The following FCHSD2 variants were observed in gnomAD, a reference collection of about 807,000 sequenced individuals.
The protein encoded by FCHSD2 is FCH and double SH3 domains 2.
In FCHSD2, 38 loss-of-function variants were observed where a neutral mutation model predicts 108.1. The observed-to-expected ratio is 0.35, with a 90% CI of 0.27 to 0.46. The LOEUF (loss-of-function observed/expected upper bound fraction) is 0.46. Ranked by LOEUF, FCHSD2 falls within the 20% of genes least tolerant of loss-of-function variation. FCHSD2 has a pLI of 1.00. For synonymous variants in FCHSD2, 279 were observed against 314.7 expected, an observed-to-expected ratio of 0.89 and a Z score of 1.20; for missense variants, 751 against 897.8, an observed-to-expected ratio of 0.84 and a Z score of 2.09.
rs1200381457 is a variant in FCHSD2, at chr11:72,843,539, T to C, written c.1444-7A>G. On this transcript the variant is annotated splice_region_variant and splice_polypyrimidine_tract_variant and intron_variant, in intron 14 of 19. Coordinates refer to ENST00000409418, the MANE Select transcript of FCHSD2 (RefSeq NM_014824.3). Reference sequence around the variant, plus strand: ...ACTCATCTGGTTGAGAAGCCTGCAGTGTAGGATGGTCATGGACAAAATTAA... The same window carrying C: ...ACTCATCTGGTTGAGAAGCCTGCAGCGTAGGATGGTCATGGACAAAATTAA... 1 of 1,608,156 alleles carries C rather than the reference T, an allele frequency of 6.2e-7. No homozygotes were observed. The highest frequency in any genetic ancestry group is 1.7e-5 in the Admixed American group (1 of 59,978).
At chr11:73,104,121 G>A (rs1194211204) in intron 2 of FCHSD2, among the ~76,000 whole-genome samples, 2 of 152,210 alleles carry the variant, frequency 1.3e-5, no homozygotes, top group Admixed American at 6.5e-5. Context: ...AGTTGCTGGC[G>A]GCTAACAGTG....
intron 4 of FCHSD2, among the ~76,000 whole-genome samples, chr11:73,006,255 A>G (rs1192315168): frequency 2.0e-5 from 3 of 151,982 alleles, no homozygotes; most frequent in Non-Finnish European, 2.9e-5. Flanking sequence ...CTAAACCCTA[A>G]CTGCCTGTTC....
chr11:73,028,357 T>A (rs1858277916), intron 3 of FCHSD2, among the ~76,000 whole-genome samples: 2 of 152,254 alleles, frequency 1.3e-5, no homozygotes, highest in South Asian at 2.1e-4. Flanking sequence ...ATTTAATAAC[T>A]GCCCTGTTAC....
chr11:72,977,487 G>T (rs1228090549), intron 8 of FCHSD2, among the ~76,000 whole-genome samples: 1 of 151,786 alleles, frequency 6.6e-6, no homozygotes, highest in African/African-American at 2.4e-5. Context: ...CAACTCTATA[G>T]GAAAAAAAAA....
At chr11:72,928,773 C>A (rs1367498082) in intron 8 of FCHSD2, among the ~76,000 whole-genome samples, 2 of 152,000 alleles carry the variant, frequency 1.3e-5, no homozygotes, top group Non-Finnish European at 2.9e-5. Context: ...GCACAACGTG[C>A]AGGTTTGTTA....
chr11:73,100,155 GCT>G (rs1198822310), intron 2 of FCHSD2, among the ~76,000 whole-genome samples: 3 of 152,006 alleles, frequency 2.0e-5, no homozygotes, highest in African/African-American at 7.3e-5. Flanking sequence ...TCTCACTCCA[GCT>G]CTCTTTGTGA....
chr11:73,015,377 C>A (rs1408624652), intron 4 of FCHSD2, among the ~76,000 whole-genome samples: 1 of 152,116 alleles, frequency 6.6e-6, no homozygotes, highest in Non-Finnish European at 1.5e-5. Flanking sequence ...AAGTTTCCCC[C>A]CTAGTCTCAC....
intron 2 of FCHSD2, among the ~76,000 whole-genome samples, chr11:73,104,154 G>A (rs1347626982): frequency 6.6e-6 from 1 of 152,250 alleles, no homozygotes; most frequent in Non-Finnish European, 1.5e-5. Flanking sequence ...AGCTCACTTG[G>A]CCTGCCACTT....
chr11:72,991,924 G>A (rs1309755325), intron 5 of FCHSD2, among the ~76,000 whole-genome samples: 6 of 152,140 alleles, frequency 3.9e-5, no homozygotes, highest in African/African-American at 1.2e-4. Context: ...AATCAGGCAG[G>A]AGAAGGAAAT....
chr11:73,081,348 T>C (rs1859680487), intron 3 of FCHSD2, among the ~76,000 whole-genome samples: 1 of 151,986 alleles, frequency 6.6e-6, no homozygotes, highest in South Asian at 2.1e-4. Flanking sequence ...GTAGGAGAAT[T>C]GCTTGAACTT....
chr11:72,914,815 T>A (rs746465457), intron 9 of FCHSD2, among the ~76,000 whole-genome samples: 1 of 152,080 alleles, frequency 6.6e-6, no homozygotes, highest in African/African-American at 2.4e-5. Flanking sequence ...ATTCAGGACA[T>A]AGGCATGGGC....
chr11:73,099,917 T>C (rs1860178082), intron 2 of FCHSD2, among the ~76,000 whole-genome samples: 4 of 152,214 alleles, frequency 2.6e-5, no homozygotes, highest in African/African-American at 9.6e-5. Context: ...TGCCCGTCCC[T>C]ATCCCCCACT....
rs531646161 is a variant in FCHSD2, at chr11:72,954,921, T to C, written c.705+29167A>G. ...ATATACAGAAACAGATCTGGCTGTA[T>C]GTATATGTAATAAAGATAGGAAAAA... On this transcript the variant is annotated intron_variant, in intron 8 of 19. Coordinates refer to ENST00000409418, the MANE Select transcript of FCHSD2 (RefSeq NM_014824.3). Among the ~76,000 whole-genome samples, 345 of 152,248 alleles carry C rather than the reference T, an allele frequency of 2.3e-3. 3 individuals are homozygous for C. The highest frequency in any genetic ancestry group is 7.9e-3 in the African/African-American group (330 of 41,546).
In FCHSD2 at chr11:72,867,988, T is replaced by C. The variant is rs769368091; in HGVS notation, c.1185A>G (p.Leu395=). The C allele has an allele frequency of 6.3e-7, 1 of 1,578,162 alleles. No individual in the cohort carries two copies. The highest frequency in any genetic ancestry group is 8.6e-7 in the Non-Finnish European group (1 of 1,160,876). ...TGTCCACAGAAACACCAATCTGCTTTAGCAGGTCCAACCGGGCTTCAGCTT... is the reference window on the plus strand; with the variant it reads ...TGTCCACAGAAACACCAATCTGCTTCAGCAGGTCCAACCGGGCTTCAGCTT... The part of the protein sequence containing the change: ...KLKAEARLDL[L]KQIGVSVDTW... The change falls in exon 13 of 20, where the codon CTA becomes CTG. Residue 395 remains leucine (L), a synonymous_variant. Coordinates refer to ENST00000409418, the MANE Select transcript of FCHSD2 (RefSeq NM_014824.3).
At chr11:73,014,124 CTTTTT>C (rs947652108) in intron 4 of FCHSD2, among the ~76,000 whole-genome samples, 2 of 86,584 alleles carry the variant, frequency 2.3e-5, no homozygotes, top group African/African-American at 9.2e-5. Context: ...TGTGTGGTTT[CTTTTT>C]TTTTTTTTTT....
chr11:72,894,143 T>C (rs1327116808), intron 10 of FCHSD2, among the ~76,000 whole-genome samples: 2 of 152,188 alleles, frequency 1.3e-5, no homozygotes, highest in African/African-American at 4.8e-5. Flanking sequence ...TCCAAACCAT[T>C]TCAAAAAAAG....
rs187456826 is a variant in FCHSD2 at position 73,044,710 on chromosome 11, T to G, written c.166-28825A>C. 4.0e-4 allele frequency among the ~76,000 whole-genome samples: 61 copies of G among 152,280 alleles called. No homozygotes were observed. In the Middle Eastern group the frequency reaches 0.014, roughly 34 times the overall value. On this transcript the variant is annotated intron_variant, in intron 3 of 19. Transcript: ENST00000409418. ...AGGCAAATGCTGGGTAAATACTATATAGAAAACAGTGCACATAGTACATGC... is the reference window on the plus strand; with the variant it reads ...AGGCAAATGCTGGGTAAATACTATAGAGAAAACAGTGCACATAGTACATGC...
intron 5 of FCHSD2, among the ~76,000 whole-genome samples, chr11:72,999,164 T>C (rs2135415586): frequency 6.6e-6 from 1 of 152,100 alleles, no homozygotes; most frequent in East Asian, 1.9e-4. Flanking sequence ...TTGAAGGAGG[T>C]TTCTTTCATT....
chr11:72,927,048 T>C (rs1856090770), intron 8 of FCHSD2, among the ~76,000 whole-genome samples: 1 of 152,230 alleles, frequency 6.6e-6, no homozygotes, highest in Admixed American at 6.5e-5. Context: ...TAATAAATCC[T>C]AGTTTTTACT....
Sources: gnomAD v4.1 joint callset for allele counts (sites outside exome capture counted in the v4.1 genomes callset) on GRCh38, gnomAD v4.1.1 for gene constraint, MANE v1.5 for transcripts, NCBI Gene and HGNC (gene_info 2026-07-23, HGNC 2026-07-21) for gene names.